Variants in CSMD1 observed in about 807,000 individuals in gnomAD.
The protein encoded by CSMD1 is CUB and sushi domain-containing protein 1.
Under a neutral mutation model 417.5 loss-of-function variants are expected in CSMD1, and 213 were observed. The observed-to-expected ratio is 0.51, with a 90% CI of 0.46 to 0.57. The LOEUF (loss-of-function observed/expected upper bound fraction) is 0.57. Ranked by LOEUF, CSMD1 falls within the 20% of genes least tolerant of loss-of-function variation. The probability of loss-of-function intolerance (pLI) is 0.00; values close to 1 mark genes in which losing one functional copy is unlikely to be tolerated. For synonymous variants in CSMD1, 2,862 were observed against 1,736.8 expected (o/e 1.65, Z -16.11); for missense variants, 6,923 against 4,529.7 (o/e 1.53, Z -15.17).
intron 46 of CSMD1, 138 bp downstream of exon 46, chr8:3,106,390 C>G: frequency 1.8e-6 from 1 of 569,262 alleles, no homozygotes. Context: ...AGAGTAAGAC[C>G]CTATCTCCAA....
chr8:4,850,739 G>C (rs562786090), intron 1 of CSMD1, among the ~76,000 whole-genome samples: 4 of 151,932 alleles, frequency 2.6e-5, no homozygotes, highest in Admixed American at 2.0e-4. Context: ...TGCACTCATT[G>C]TTCCAGTACC....
chr8:4,594,108 G>T (rs777059703), intron 2 of CSMD1, among the ~76,000 whole-genome samples: 5 of 148,560 alleles, frequency 3.4e-5, no homozygotes, highest in Non-Finnish European at 7.4e-5. Flanking sequence ...TATGTGTCAA[G>T]TTTCCCCTTT....
intron 26 of CSMD1, among the ~76,000 whole-genome samples, chr8:3,233,706 A>G (rs1015510746): frequency 3.3e-5 from 5 of 152,110 alleles, no homozygotes; most frequent in Admixed American, 3.3e-4. Context: ...CCAATTTCTC[A>G]TGTAAACTAA....
chr8:3,226,305 G>C (rs73185503), intron 27 of CSMD1, among the ~76,000 whole-genome samples: 31 of 152,240 alleles, frequency 2.0e-4, no homozygotes, highest in Non-Finnish European at 3.7e-4. Flanking sequence ...AGTTGAAGCC[G>C]AACGTGGTGG....
intron 3 of CSMD1, among the ~76,000 whole-genome samples, chr8:4,135,367 G>A (rs1337228969): frequency 8.3e-5 from 2 of 24,070 alleles, no homozygotes; most frequent in South Asian, 1.0e-3. Context: ...AGGGAAGGAA[G>A]GGGAAAGTGG....
chr8:3,719,803 G>C (rs1802047268), intron 6 of CSMD1, among the ~76,000 whole-genome samples: 1 of 152,084 alleles, frequency 6.6e-6, no homozygotes, highest in African/African-American at 2.4e-5. Context: ...TCCAGCTTTT[G>C]GATCTTTAAC....
chr8:3,539,226 T>C (rs561540398), intron 10 of CSMD1, among the ~76,000 whole-genome samples: 25 of 152,288 alleles, frequency 1.6e-4, no homozygotes, highest in Admixed American at 1.6e-3. Context: ...GGCTGCCTCA[T>C]GTGTATCATT....
chr8:3,983,740 T>G (rs1814087964), intron 5 of CSMD1, among the ~76,000 whole-genome samples: 1 of 152,238 alleles, frequency 6.6e-6, no homozygotes, highest in South Asian at 2.1e-4. Flanking sequence ...GTTCCCCTAG[T>G]CTGGTAGCAT....
rs148760618 is a variant in CSMD1, at chr8:4,038,650, T to A, written c.416-6551A>T. Among the ~76,000 whole-genome samples, 135 of 152,276 alleles carry A rather than the reference T, an allele frequency of 8.9e-4. 1 individual carries two copies. The highest frequency in any genetic ancestry group is 3.2e-3 in the African/African-American group (133 of 41,566). On this transcript the variant is annotated intron_variant, in intron 3 of 69. Transcript: ENST00000635120. ...GAGTTGACATAAACTCTACTTTTAA[T>A]TCTCTTTATTTATTTCCTGAGCCAT...
chr8:3,569,368 C>G (rs867997776), intron 10 of CSMD1, among the ~76,000 whole-genome samples: 3 of 152,110 alleles, frequency 2.0e-5, no homozygotes, highest in Non-Finnish European at 4.4e-5. Context: ...AATAAACTGA[C>G]CATGGCAGCA....
intron 2 of CSMD1, among the ~76,000 whole-genome samples, chr8:4,470,443 T>G (rs1343031499): frequency 6.6e-6 from 1 of 152,252 alleles, no homozygotes; most frequent in Non-Finnish European, 1.5e-5. Context: ...TGCTGCTATG[T>G]AGACAGGTTG....
At position 3,407,991 on chromosome 8, in the gene CSMD1, G is replaced by C; in HGVS notation, c.1979C>G (p.Pro660Arg). 1 of 1,613,908 alleles carries C rather than the reference G, an allele frequency of 6.2e-7. No individual in the cohort carries two copies. Among genetic ancestry groups the C allele is most frequent in the African/African-American group, 1.3e-5 (1 of 75,034 alleles). Residue 660 changes from proline to arginine, a missense_variant, in exon 14 of 70, where the codon CCT (proline) becomes CGT (arginine). Pro to Arg is a moderately radical substitution (Grantham distance 103). Transcript: ENST00000635120. The part of the protein sequence containing the change: ...VLGTFSGNEV[P>R]SQLASSGHIV... The stretch of plus-strand genomic sequence containing the variant: ...ATGCCCACTGCTGGCCAGCTGGGAA[G>C]GCACTTCATTGCCAGAAAAAGTACC...
At chr8:4,171,553 A>G (rs1347605511) in intron 3 of CSMD1, among the ~76,000 whole-genome samples, 1 of 151,730 alleles carries the variant, frequency 6.6e-6, no homozygotes, top group Non-Finnish European at 1.5e-5. Flanking sequence ...TACAATAACT[A>G]CTGGATATGG....
intron 49 of CSMD1, among the ~76,000 whole-genome samples, chr8:3,068,605 C>G (rs1563302597): frequency 6.6e-6 from 1 of 152,190 alleles, no homozygotes; most frequent in Non-Finnish European, 1.5e-5. Flanking sequence ...GTGCTGGCAT[C>G]TGCTTGGCTT....
At chr8:4,907,129 G>C (rs978785345) in intron 1 of CSMD1, among the ~76,000 whole-genome samples, 6 of 152,238 alleles carry the variant, frequency 3.9e-5, no homozygotes, top group Admixed American at 3.3e-4. Context: ...GTGTGTGCAA[G>C]AGTTAGGGAA....
At chr8:4,112,424 T>A (rs1034450040) in intron 3 of CSMD1, among the ~76,000 whole-genome samples, 17 of 152,176 alleles carry the variant, frequency 1.1e-4, no homozygotes, top group Non-Finnish European at 2.4e-4. Context: ...AAATATTTAA[T>A]AAGTAAAAGA....
At chr8:3,020,683 T>A (rs766150541) in intron 51 of CSMD1, among the ~76,000 whole-genome samples, 1 of 152,084 alleles carries the variant, frequency 6.6e-6, no homozygotes, top group Admixed American at 6.5e-5. Context: ...CATGTTATGA[T>A]AGGACAACCG....
At position 4,088,015 on chromosome 8, in the gene CSMD1, C is replaced by T. The variant is rs1042142742; in HGVS notation, c.416-55916G>A. ...AGAACGTCTAACTTTATTAGAATAT[C>T]ATTTCTGTGCTAAATGACACTCCCC... On this transcript the variant is annotated intron_variant, in intron 3 of 69. Transcript: ENST00000635120. Among the ~76,000 whole-genome samples the T allele has an allele frequency of 3.3e-5, 5 of 152,114 alleles. No homozygotes were observed. In the South Asian group the frequency reaches 8.3e-4, roughly 25 times the overall value.
intron 1 of CSMD1, among the ~76,000 whole-genome samples, chr8:4,720,141 A>G (rs892699061): frequency 6.7e-6 from 1 of 148,926 alleles, no homozygotes; most frequent in African/African-American, 2.5e-5. Context: ...TTTTTGCTTC[A>G]CAAAGCTAGA....
Sources: allele counts gnomAD v4.1 joint callset (sites outside exome capture counted in the v4.1 genomes callset), GRCh38; gene constraint gnomAD v4.1.1; transcripts MANE v1.5; gene names NCBI Gene and HGNC (gene_info 2026-07-23, HGNC 2026-07-21).